Variants in EVA1A observed in about 807,000 individuals in gnomAD.
EVA1A encodes eva-1 homolog A, regulator of programmed cell death.
Under a neutral mutation model 9.8 loss-of-function variants are expected in EVA1A, and 7 were observed. The observed-to-expected ratio is 0.71, with a 90% confidence interval of 0.41 to 1.34. EVA1A has a LOEUF of 1.34. Ranked by LOEUF, EVA1A falls within the 40% of genes most tolerant of loss-of-function variation. The pLI, the probability that EVA1A is intolerant of heterozygous loss-of-function variation, is 0.01. For synonymous variants in EVA1A, 90 were observed against 85.6 expected, an observed-to-expected ratio of 1.05 and a Z score of -0.28; for missense variants, 206 against 205.9, an observed-to-expected ratio of 1.00 and a Z score of 0.00.
chr2:75,529,279 G>C (rs868586557), intron 1 of EVA1A, among the ~76,000 whole-genome samples: 135 of 152,134 alleles, frequency 8.9e-4, no homozygotes, highest in African/African-American at 3.0e-3. Context: ...AAATGAGATA[G>C]ACAGCAACAC....
chr2:75,510,358 T>A (rs527409038), intron 3 of EVA1A, among the ~76,000 whole-genome samples: 1 of 152,340 alleles, frequency 6.6e-6, no homozygotes, highest in Admixed American at 6.5e-5. Flanking sequence ...CTCCAATGCC[T>A]TGGGCATAGC....
At chr2:75,501,106 C>T (rs1254571987) in intron 3 of EVA1A, among the ~76,000 whole-genome samples, 1 of 152,104 alleles carries the variant, frequency 6.6e-6, no homozygotes, top group Non-Finnish European at 1.5e-5. Flanking sequence ...CCAAACTCTT[C>T]CACAGGAGCC....
chr2:75,530,453 G>GA (rs1249088632), intron 1 of EVA1A, among the ~76,000 whole-genome samples: 1 of 151,996 alleles, frequency 6.6e-6, no homozygotes, highest in African/African-American at 2.4e-5. Context: ...TAACAAAATA[G>GA]AAAACTACAG....
intron 3 of EVA1A, chr2:75,517,788 G>A (rs1166135877): frequency 5.6e-6 from 4 of 718,486 alleles, no homozygotes; most frequent in Non-Finnish European, 1.0e-5. Context: ...GCCAACAGTA[G>A]CCCTGGGCCA....
Position 75,504,740 on chromosome 2 carries a change from T to G in EVA1A, c.86-11131A>C, listed in dbSNP as rs560930132. On this transcript the variant is annotated intron_variant, in intron 3 of 3. Coordinates refer to ENST00000393913, the MANE Select transcript of EVA1A (RefSeq NM_001135032.2). ...AACACCACGTGTTCTCACTCATAAG[T>G]GGGAGTGGAACAATGAGAACACATG... Among the ~76,000 whole-genome samples, 316 of 115,604 alleles carry G rather than the reference T, an allele frequency of 2.7e-3. 2 individuals carry two copies. Among genetic ancestry groups the G allele is most frequent in the African/African-American group, 9.8e-3 (287 of 29,168 alleles). The allele number at this position is 115,604 out of a possible 152,430, so 75.8% of individuals were successfully genotyped here. A position where few individuals can be genotyped will look rare whatever the true frequency, so the allele number is the denominator to read the frequency against.
At position 75,496,215 on chromosome 2, in the gene EVA1A, C is replaced by A. The variant is rs188209512; in HGVS notation, c.86-2606G>T. 2.1e-3 allele frequency among the ~76,000 whole-genome samples: 316 copies of A among 152,210 alleles called. 2 individuals carry two copies. Among genetic ancestry groups the A allele is most frequent in the African/African-American group, 6.7e-3 (279 of 41,530 alleles). On this transcript the variant is annotated intron_variant, in intron 3 of 3. Transcript: ENST00000393913. ...TAGGCAAGAGAAAAAAAACAAAAGG[C>A]ATCCACATAGCAAGAGAGGAAGTCA...
chr2:75,510,773 T>C (rs1013276600), intron 3 of EVA1A, among the ~76,000 whole-genome samples: 2 of 151,710 alleles, frequency 1.3e-5, no homozygotes, highest in Non-Finnish European at 2.9e-5. Context: ...CTAGAAAGAG[T>C]ATTAAGAAAA....
At chr2:75,520,357 A>G (rs1246653780) in intron 2 of EVA1A, among the ~76,000 whole-genome samples, 1 of 152,208 alleles carries the variant, frequency 6.6e-6, no homozygotes, top group Non-Finnish European at 1.5e-5. Context: ...TGAAATTCAT[A>G]TGGAATCTCA....
At chr2:75,563,309 GTCATTCTCCAGAACATGCA>G (rs1316004909), upstream of EVA1A, among the ~76,000 whole-genome samples, 2 of 152,158 alleles carry the variant, frequency 1.3e-5, no homozygotes, top group African/African-American at 4.8e-5. Flanking sequence ...GTTCCTACGG[GTCATTCTCCAGAACATGCA>G]TCCCTGCATG....
chr2:75,538,434 C>T (rs1159022608), intron 1 of EVA1A, among the ~76,000 whole-genome samples: 15 of 152,142 alleles, frequency 9.9e-5, no homozygotes, highest in Non-Finnish European at 2.9e-5. Context: ...TTACTGCTGC[C>T]TAAAGAATGA....
upstream of EVA1A, among the ~76,000 whole-genome samples, chr2:75,563,448 C>T (rs1263742950): frequency 6.6e-6 from 1 of 152,164 alleles, no homozygotes; most frequent in Non-Finnish European, 1.5e-5. Flanking sequence ...AAAGGAACCC[C>T]TCAAAGCTAC....
At chr2:75,535,401 C>T (rs2110489) in intron 1 of EVA1A, among the ~76,000 whole-genome samples, 2 of 151,374 alleles carry the variant, frequency 1.3e-5, no homozygotes, top group South Asian at 2.1e-4. Context: ...AATAACTAAA[C>T]GTAGATCTAC....
chr2:75,498,956 A>T (rs1301489363), intron 3 of EVA1A, among the ~76,000 whole-genome samples: 1 of 152,172 alleles, frequency 6.6e-6, no homozygotes, highest in African/African-American at 2.4e-5. Flanking sequence ...ACAGCCCATG[A>T]ACTCCACACC....
chr2:75,506,444 A>T (rs1168914433), intron 3 of EVA1A, among the ~76,000 whole-genome samples: 1 of 152,214 alleles, frequency 6.6e-6, no homozygotes, highest in African/African-American at 2.4e-5. Context: ...CCAACTGTTT[A>T]AAAATGTTAC....
intron 1 of EVA1A, among the ~76,000 whole-genome samples, chr2:75,543,395 T>C (rs1676209549): frequency 6.6e-6 from 1 of 152,102 alleles, no homozygotes; most frequent in South Asian, 2.1e-4. Context: ...GTATTCCTGG[T>C]CATCTGATTT....
chr2:75,505,234 G>A, intron 3 of EVA1A, among the ~76,000 whole-genome samples: 1 of 152,186 alleles, frequency 6.6e-6, no homozygotes, highest in East Asian at 1.9e-4. Flanking sequence ...CCTTGAGTTT[G>A]GAAGAAGGGT....
intron 1 of EVA1A, among the ~76,000 whole-genome samples, chr2:75,559,316 C>A (rs1676832274): frequency 6.6e-6 from 1 of 152,174 alleles, no homozygotes; most frequent in African/African-American, 2.4e-5. Context: ...GAAGTAAAAT[C>A]AAAATTCCGT....
chr2:75,493,231 G>C lies in EVA1A; in HGVS notation c.*5C>G, dbSNP rs942705062. On this transcript the variant is annotated 3_prime_UTR_variant, in exon 4 of 4. Transcript: ENST00000393913. ...CTCCAGTGGTTTCCGGGGTCCTGCT[G>C]CTCCCTAATAGTAGCGATTCAGGCT... 6.2e-7 allele frequency: 1 copy of C among 1,604,132 alleles called. No homozygotes were observed. Among genetic ancestry groups the C allele is most frequent in the African/African-American group, 1.3e-5 (1 of 74,732 alleles).
At chr2:75,559,708 C>CGGG (rs1328153509) in intron 1 of EVA1A, among the ~76,000 whole-genome samples, 1 of 35,398 alleles carries the variant, frequency 2.8e-5, no homozygotes, top group Non-Finnish European at 5.7e-5. Context: ...GGGGGGGGGG[C>CGGG]GGGGGAGTTG....
Sources: gnomAD v4.1 joint callset for allele counts (sites outside exome capture counted in the v4.1 genomes callset) on GRCh38, gnomAD v4.1.1 for gene constraint, MANE v1.5 for transcripts, NCBI Gene and HGNC (gene_info 2026-07-23, HGNC 2026-07-21) for gene names.